Variants in LARP1 observed in about 807,000 individuals in gnomAD.
LARP1 encodes la-related protein 1.
In LARP1, 36 loss-of-function variants were observed where a neutral mutation model predicts 122.7. The observed-to-expected ratio is 0.29, with a 90% CI of 0.22 to 0.39. LARP1 has a LOEUF of 0.39. LARP1 is among the 10% of genes least tolerant of loss of function. The pLI, the probability that LARP1 is intolerant of heterozygous loss-of-function variation, is 1.00. For synonymous variants in LARP1, 539 were observed against 528.7 expected, an observed-to-expected ratio of 1.02 and a Z score of -0.27; for missense variants, 1,040 against 1,403.6, an observed-to-expected ratio of 0.74 and a Z score of 4.14.
chr5:154,692,744 A>G lies in LARP1; in HGVS notation c.-180+9707A>G, dbSNP rs568051316. Among the ~76,000 whole-genome samples, 58 of 152,256 alleles carry G rather than the reference A, an allele frequency of 3.8e-4. 1 individual carries two copies. The highest frequency in any genetic ancestry group is 3.4e-3 in the Middle Eastern group (1 of 294). ...CCTTAAGTGCCTCCTGCCAACCTCA[A>G]AGGAAGAGGCTGGGGCACGAAATAT... On this transcript the variant is annotated intron_variant, in intron 1 of 18. Transcript: ENST00000687700.
chr5:154,710,108 A>G (rs975652783), upstream of LARP1, among the ~76,000 whole-genome samples: 28 of 152,118 alleles, frequency 1.8e-4, no homozygotes, highest in Non-Finnish European at 3.2e-4. Flanking sequence ...GAGCCGCTGT[A>G]AATACAGACA....
At chr5:154,688,677 T>G (rs371307471) in intron 1 of LARP1, among the ~76,000 whole-genome samples, 3 of 71,846 alleles carry the variant, frequency 4.2e-5, no homozygotes, top group African/African-American at 1.2e-4. Flanking sequence ...AAAAAAAAAA[T>G]TAGCTAGGGC....
intron 1 of LARP1, among the ~76,000 whole-genome samples, chr5:154,700,195 A>T (rs1454540216): frequency 6.6e-6 from 1 of 152,194 alleles, no homozygotes; most frequent in Non-Finnish European, 1.5e-5. Flanking sequence ...AAATTAATGC[A>T]AAAAGGTATG....
At chr5:154,750,214 G>A (rs1289121674) in intron 1 of LARP1, among the ~76,000 whole-genome samples, 2 of 152,134 alleles carry the variant, frequency 1.3e-5, no homozygotes, top group Non-Finnish European at 2.9e-5. Context: ...TTTGAGACGG[G>A]GTCTCACTCT....
At position 154,794,227 on chromosome 5, in the gene LARP1, T is replaced by C. The variant is rs757752575; in HGVS notation, c.1197T>C (p.Asp399=). ...NVSSTELYSV[D]QELLKDYIKR... is the part of the protein sequence containing the mutation. ...GCAGCACCGAGCTTTACAGTGTGGA[T>C]CAGGAACTGCTCAAAGACTACATCA... The change falls in exon 7 of 19, where the codon GAT becomes GAC. Residue 399 remains aspartate, a synonymous_variant. Transcript: ENST00000518297. 4 of 1,614,168 alleles carry C rather than the reference T, an allele frequency of 2.5e-6. No homozygotes were observed. The South Asian group carries it at 4.4e-5, about 18-fold the overall frequency.
At position 154,795,258 on chromosome 5, in the gene LARP1, C is replaced by A; in HGVS notation, c.1316C>A (p.Thr439Asn). The change falls in exon 8 of 19, where the codon ACC becomes AAC. Residue 439 changes from threonine to asparagine, a missense_variant. This residue lies in a region of LARP1 where 362 missense variants were observed against 533.1 expected (regional missense o/e 0.68). Coordinates refer to ENST00000518297, the MANE Select transcript of LARP1 (RefSeq NM_033551.3). ...KMDADGFLPI[T>N]LIASFHRVQA... is the part of the protein sequence containing the mutation. ...GATGCTGATGGTTTCCTACCCATCA[C>A]CCTTATTGCTTCCTTCCACCGAGTG... 1 of 1,613,670 alleles carries A rather than the reference C, an allele frequency of 6.2e-7. No homozygotes were observed. Among genetic ancestry groups the A allele is most frequent in the Non-Finnish European group, 8.5e-7 (1 of 1,179,614 alleles).
rs911631007 is a variant in LARP1, at chr5:154,756,162, C to A, written c.405C>A (p.Val135=). The A allele has an allele frequency of 5.3e-6, 7 of 1,315,742 alleles. No homozygotes were observed. The highest frequency in any genetic ancestry group is 7.0e-6 in the Non-Finnish European group (7 of 998,494). The allele number at this position is 1,315,742 out of a possible 1,614,324, so 81.5% of individuals were successfully genotyped here. A position where few individuals can be genotyped will look rare whatever the true frequency, so the allele number is the denominator to read the frequency against. ...NPWTKNALPP[V]LTTVNGQSPP... ...GGACTAAGAACGCATTGCCGCCGGT[C>A]CTGACCACCGTGAACGGACAGTCCC... The change falls in exon 1 of 19, where the codon GTC becomes GTA. Residue 135 remains valine, a synonymous_variant. Coordinates refer to ENST00000518297, the MANE Select transcript of LARP1 (RefSeq NM_033551.3).
chr5:154,716,755 A>G (rs1310341981), intron 1 of LARP1, among the ~76,000 whole-genome samples: 1 of 151,382 alleles, frequency 6.6e-6, no homozygotes, highest in African/African-American at 2.4e-5. Context: ...AGCTGATGGC[A>G]ACATTTTAAA....
Position 154,800,613 on chromosome 5 carries a change from T to A in LARP1, c.1716+571T>A, listed in dbSNP as rs1007723003. On this transcript the variant is annotated intron_variant, in intron 10 of 18. Coordinates refer to ENST00000518297, the MANE Select transcript of LARP1 (RefSeq NM_033551.3). Reference sequence around the variant, plus strand: ...ACATTAGAATATTCTAGAAATAGTTTATATATATAAACAGATGAAGTTCAC... The same window carrying A: ...ACATTAGAATATTCTAGAAATAGTTAATATATATAAACAGATGAAGTTCAC... 2.0e-5 allele frequency among the ~76,000 whole-genome samples: 3 copies of A among 152,284 alleles called. No individual in the cohort carries two copies. In the South Asian group the frequency reaches 6.2e-4, roughly 32 times the overall value.
intron 18 of LARP1, 148 bp from the exon 19 acceptor site, chr5:154,813,739 G>A (rs1759469035): frequency 1.0e-5 from 7 of 699,948 alleles, no homozygotes; most frequent in East Asian, 8.1e-5. Flanking sequence ...ATGAAGAAAC[G>A]CTTAATAACT....
At chr5:154,767,385 G>T (rs917707842) in intron 1 of LARP1, among the ~76,000 whole-genome samples, 1 of 152,196 alleles carries the variant, frequency 6.6e-6, no homozygotes, top group Non-Finnish European at 1.5e-5. Context: ...AGGTGCTATA[G>T]CTGGCCTTCC....
chr5:154,769,265 C>G (rs1755206969), intron 1 of LARP1, among the ~76,000 whole-genome samples: 1 of 152,178 alleles, frequency 6.6e-6, no homozygotes, highest in African/African-American at 2.4e-5. Flanking sequence ...ATGGCAGGGC[C>G]CAGCCTCCCT....
chr5:154,759,979 G>A (rs1259608287), intron 1 of LARP1, among the ~76,000 whole-genome samples: 8 of 152,020 alleles, frequency 5.3e-5, no homozygotes, highest in South Asian at 2.1e-4. Context: ...TGGCTCTGTC[G>A]CCCAGATTGG....
chr5:154,789,331 T>A (rs905436544), intron 1 of LARP1, among the ~76,000 whole-genome samples: 2 of 148,418 alleles, frequency 1.3e-5, no homozygotes, highest in African/African-American at 5.0e-5. Flanking sequence ...GTGATTCTCC[T>A]GCCTCAGCCT....
At chr5:154,806,082 C>G (rs781543291) in intron 15 of LARP1, 50 bp downstream of exon 15, 38 of 1,593,464 alleles carry the variant, frequency 2.4e-5, no homozygotes, top group Admixed American at 8.6e-5. Flanking sequence ...GTTATTTAGA[C>G]CCAGAGTATA....
At chr5:154,807,045 C>G (rs1276742309) in intron 15 of LARP1, among the ~76,000 whole-genome samples, 1 of 152,178 alleles carries the variant, frequency 6.6e-6, no homozygotes. Flanking sequence ...AGGATTTTGC[C>G]TATTCTGGAC....
chr5:154,801,287 A>C (rs945510429), intron 10 of LARP1, among the ~76,000 whole-genome samples: 1 of 152,162 alleles, frequency 6.6e-6, no homozygotes, highest in African/African-American at 2.4e-5. Flanking sequence ...TGGCTTACTT[A>C]TGTTCATCCT....
intron 1 of LARP1, among the ~76,000 whole-genome samples, chr5:154,788,864 A>G (rs1757094676): frequency 1.3e-5 from 2 of 152,130 alleles, no homozygotes; most frequent in Admixed American, 6.5e-5. Context: ...GTCGTTCTAG[A>G]GTTTGTACTG....
upstream of LARP1, among the ~76,000 whole-genome samples, chr5:154,711,109 T>G (rs1755195502): frequency 6.6e-6 from 1 of 151,820 alleles, no homozygotes; most frequent in South Asian, 2.1e-4. Flanking sequence ...ACATATTCCG[T>G]CAGTGTCAGG....
Sources: allele counts gnomAD v4.1 joint callset (sites outside exome capture counted in the v4.1 genomes callset), GRCh38; gene constraint gnomAD v4.1.1; regional missense constraint gnomAD v4.1.1; transcripts MANE v1.5; gene names NCBI Gene and HGNC (gene_info 2026-07-23, HGNC 2026-07-21).